The following IWS1 variants were observed in gnomAD, a reference collection of about 807,000 sequenced individuals.
IWS1 encodes interacts with SUPT6H, CTD assembly factor 1, also known as protein IWS1 homolog.
A neutral mutation model predicts 86.7 loss-of-function variants in IWS1; 27 were observed. The ratio of observed to expected loss-of-function variants is 0.31; its 90% confidence interval spans 0.23 to 0.43. IWS1 has a LOEUF of 0.43. Ranked by LOEUF, IWS1 falls within the 20% of genes least tolerant of loss-of-function variation. The pLI, the probability that IWS1 is intolerant of heterozygous loss-of-function variation, is 1.00. For synonymous variants in IWS1, 313 were observed against 335.1 expected (o/e 0.93, Z 0.72); for missense variants, 827 against 1,000.8 (o/e 0.83, Z 2.34).
chr2:127,496,494 C>T (rs746757239), intron 6 of IWS1, among the ~76,000 whole-genome samples: 1 of 151,162 alleles, frequency 6.6e-6, no homozygotes, highest in Non-Finnish European at 1.5e-5. Flanking sequence ...AGACCAAATT[C>T]CAGTCCTGCT....
chr2:127,483,969 T>C (rs1468750172), intron 13 of IWS1, among the ~76,000 whole-genome samples: 1 of 152,126 alleles, frequency 6.6e-6, no homozygotes, highest in Non-Finnish European at 1.5e-5. Context: ...TCTATAATTA[T>C]AAAAACTAAG....
intron 2 of IWS1, among the ~76,000 whole-genome samples, chr2:127,516,444 C>T (rs184711118): frequency 6.6e-5 from 10 of 152,252 alleles, no homozygotes; most frequent in Non-Finnish European, 1.5e-4. Flanking sequence ...TTCAACAATA[C>T]TATAAATCAA....
intron 8 of IWS1, among the ~76,000 whole-genome samples, chr2:127,494,010 G>C (rs1274244940): frequency 1.3e-5 from 2 of 152,118 alleles, no homozygotes; most frequent in East Asian, 1.9e-4. Context: ...GGCCATGCTG[G>C]TGGCAGCTCA....
At chr2:127,502,256 C>G (rs1690861383) in intron 5 of IWS1, among the ~76,000 whole-genome samples, 1 of 152,122 alleles carries the variant, frequency 6.6e-6, no homozygotes, top group South Asian at 2.1e-4. Context: ...TACAAAGCCC[C>G]CTAACCTCAA....
At chr2:127,487,119 T>C (rs1689970516) in intron 12 of IWS1, among the ~76,000 whole-genome samples, 1 of 152,186 alleles carries the variant, frequency 6.6e-6, no homozygotes, top group Non-Finnish European at 1.5e-5. Context: ...AATATACAAC[T>C]CATACATCAA....
chr2:127,485,505 C>A (rs1689880980), intron 13 of IWS1, among the ~76,000 whole-genome samples: 1 of 152,118 alleles, frequency 6.6e-6, no homozygotes, highest in Non-Finnish European at 1.5e-5. Flanking sequence ...CCACTGACAG[C>A]AGGAAACAAG....
Position 127,498,252 on chromosome 2 carries a change from A to G in IWS1, c.1468-15T>C. 2 of 1,603,316 alleles carry G rather than the reference A, an allele frequency of 1.2e-6. No individual in the cohort carries two copies. The highest frequency in any genetic ancestry group is 8.5e-7 in the Non-Finnish European group (1 of 1,172,318). ...TGGTTAAAACCCTAAATGCAAAATT[A>G]TCACAACCTCCTTACAGATTTTCTT... On this transcript the variant is annotated splice_polypyrimidine_tract_variant and intron_variant, in intron 5 of 13. Transcript: ENST00000295321.
intron 6 of IWS1, 112 bp downstream of exon 6, chr2:127,498,028 G>T: frequency 1.3e-6 from 1 of 741,416 alleles, no homozygotes. Context: ...AACAGGAATA[G>T]ACCCACTCCT....
chr2:127,517,159 A>C (rs767070080), intron 2 of IWS1, among the ~76,000 whole-genome samples: 1 of 152,244 alleles, frequency 6.6e-6, no homozygotes, highest in African/African-American at 2.4e-5. Context: ...TACACTACCA[A>C]GATGGCAATA....
intron 1 of IWS1, among the ~76,000 whole-genome samples, chr2:127,525,063 T>G: frequency 6.9e-6 from 1 of 144,272 alleles, no homozygotes; most frequent in Non-Finnish European, 1.5e-5. Context: ...ACTCGGCTAA[T>G]TTTTGCATTT....
intron 2 of IWS1, among the ~76,000 whole-genome samples, chr2:127,521,018 G>A (rs1692064854): frequency 6.6e-6 from 1 of 152,244 alleles, no homozygotes; most frequent in Non-Finnish European, 1.5e-5. Context: ...CCAGCACTTT[G>A]GGAGGCCAAG....
chr2:127,505,023 G>A lies in IWS1; in HGVS notation c.880C>T (p.Leu294=), dbSNP rs981968720. ...GAGTCACTGACTCGGGGTTTGGGTA[G>A]CTCCTCATTTTCCGAATCACTGGCC... ...NQASDSENEE[L]PKPRVSDSES... The change falls in exon 3 of 14, where the codon CTA becomes TTA. Residue 294 remains leucine (L), a synonymous_variant. Transcript: ENST00000295321. This position sits in a 1 kb window ranked among gnomAD's most constrained non-coding sequence, Gnocchi z 5.0. 3 of 1,612,462 alleles carry A rather than the reference G, an allele frequency of 1.9e-6. No individual in the cohort carries two copies. The highest frequency in any genetic ancestry group is 1.3e-5 in the African/African-American group (1 of 74,718).
intron 2 of IWS1, among the ~76,000 whole-genome samples, chr2:127,517,446 G>T (rs1253930131): frequency 2.0e-5 from 3 of 152,182 alleles, no homozygotes; most frequent in Admixed American, 2.0e-4. Context: ...ATATCCTATG[G>T]TCAACAGATT....
intron 2 of IWS1, among the ~76,000 whole-genome samples, chr2:127,521,517 T>C (rs1692093313): frequency 6.6e-6 from 1 of 152,200 alleles, no homozygotes; most frequent in Non-Finnish European, 1.5e-5. Flanking sequence ...ACGCATTTCA[T>C]ACATCTAATC....
chr2:127,505,929 G>T lies in IWS1; in HGVS notation c.151-177C>A. 1 of 468,486 alleles carries T rather than the reference G, an allele frequency of 2.1e-6. No homozygotes were observed. The highest frequency in any genetic ancestry group is 3.7e-6 in the Non-Finnish European group (1 of 269,328). 29.0% of individuals were successfully genotyped at this position (468,486 alleles called of 1,614,324 possible). A position where few individuals can be genotyped will look rare whatever the true frequency, so the allele number is the denominator to read the frequency against. On this transcript the variant is annotated intron_variant, in intron 2 of 13. Transcript: ENST00000295321. This position sits in a 1 kb window ranked among gnomAD's most constrained non-coding sequence, Gnocchi z 5.0. ...CCCACAGAAAGCCAATCAGTGAAAT[G>T]GTTTTATTTGGATCCCCAAATGGGG...
At chr2:127,486,473 AG>A in intron 13 of IWS1, 79 bp downstream of exon 13, 2 of 1,014,294 alleles carry the variant, frequency 2.0e-6, no homozygotes, top group East Asian at 2.4e-5. Context: ...AAGAGCTACA[AG>A]GGTTATTAAC....
At chr2:127,482,620 G>A (rs768097749) in intron 13 of IWS1, 1 of 152,454 alleles carries the variant, frequency 6.6e-6, no homozygotes, top group Non-Finnish European at 1.5e-5. Context: ...CACATTAACT[G>A]GACTTCCCTT....
intron 10 of IWS1, among the ~76,000 whole-genome samples, chr2:127,491,368 C>T (rs1690216622): frequency 6.6e-6 from 1 of 152,218 alleles, no homozygotes; most frequent in Non-Finnish European, 1.5e-5. Flanking sequence ...GTAATATCAA[C>T]TCCATGGCCT....
rs181134177 is a variant in IWS1 at position 127,512,612 on chromosome 2, A to G, written c.151-6860T>C. Among the ~76,000 whole-genome samples the G allele has an allele frequency of 2.8e-4, 43 of 152,218 alleles. No homozygotes were observed. The Middle Eastern group carries it at 0.017, about 60-fold the overall frequency. ...GCTCTTCTAGCTAGACAGAATTACC[A>G]CCACCCCTATCGCCACCCCTAACCC... On this transcript the variant is annotated intron_variant, in intron 2 of 13. Transcript: ENST00000295321.
Sources: gnomAD v4.1 joint callset for allele counts (sites outside exome capture counted in the v4.1 genomes callset) on GRCh38, gnomAD v4.1.1 for gene constraint, Gnocchi (gnomAD v3.1) non-coding constraint, MANE v1.5 for transcripts, NCBI Gene and HGNC (gene_info 2026-07-23, HGNC 2026-07-21) for gene names.